TNFRSF8: variants seen among roughly 807,000 people sequenced by gnomAD.
The protein encoded by TNFRSF8 is tumor necrosis factor receptor superfamily member 8.
In TNFRSF8, 26 loss-of-function variants were observed where a neutral mutation model predicts 70.8. The ratio of observed to expected loss-of-function variants is 0.37; its 90% CI spans 0.27 to 0.51. The LOEUF is 0.51. Ranked by LOEUF, TNFRSF8 falls within the 20% of genes least tolerant of loss-of-function variation. The probability of loss-of-function intolerance (pLI) is 0.94; values close to 1 mark genes in which losing one functional copy is unlikely to be tolerated. For synonymous variants in TNFRSF8, 356 were observed against 339.2 expected (o/e 1.05, Z -0.54); for missense variants, 720 against 807.9 (o/e 0.89, Z 1.32).
At chr1:12,133,319 T>C (rs1021046930) in intron 12 of TNFRSF8, among the ~76,000 whole-genome samples, 1 of 125,736 alleles carries the variant, frequency 8.0e-6, no homozygotes. Flanking sequence ...TTTGTTACTT[T>C]GTCACACTTT....
rs559317788 is a variant in TNFRSF8 at position 12,118,171 on chromosome 1, T to A, written c.946+2442T>A. Among the ~76,000 whole-genome samples, 3 of 137,488 alleles carry A rather than the reference T, an allele frequency of 2.2e-5. No homozygotes were observed. In the East Asian group the frequency reaches 7.9e-4, roughly 36 times the overall value. 90.2% of individuals were successfully genotyped at this position (137,488 alleles called of 152,430 possible). On this transcript the variant is annotated intron_variant, in intron 8 of 14. Transcript: ENST00000263932. ...TGTTGCCCAGGCTGGAGTGCAGTGG[T>A]ATGGTCTCGGCTCACGGCAACCTCT...
Position 12,110,207 on chromosome 1 carries a change from A to G in TNFRSF8, c.676+3A>G. On this transcript the variant is annotated splice_donor_region_variant and intron_variant, in intron 6 of 14. Coordinates refer to ENST00000263932, the MANE Select transcript of TNFRSF8 (RefSeq NM_001243.5). The surrounding 1 kb of genome is among the most constrained non-coding windows in gnomAD (Gnocchi z 4.0). ...GGGAAGGCCTAGTTCAGATCCAGGT[A>G]ATTTCCCCATGAAGCTGTGGGTCGT... is the stretch of plus-strand genomic sequence containing the variant. 1.3e-6 allele frequency: 2 copies of G among 1,576,282 alleles called. No homozygotes were observed. Among genetic ancestry groups the G allele is most frequent in the Non-Finnish European group, 1.7e-6 (2 of 1,158,812 alleles).
At chr1:12,075,625 G>A (rs1049412622) in intron 1 of TNFRSF8, among the ~76,000 whole-genome samples, 1 of 152,132 alleles carries the variant, frequency 6.6e-6, no homozygotes, top group Non-Finnish European at 1.5e-5. Flanking sequence ...CTACCACCCT[G>A]ATTCCCCTTT....
chr1:12,142,190 G>T lies in TNFRSF8; in HGVS notation c.1544-97G>T, dbSNP rs770891757. ...CCATCAGCCTGAAGCCACCCGGCAG[G>T]TGTACCAGCACTGGGCCTCGGCCCT... On this transcript the variant is annotated intron_variant, in intron 14 of 14. Transcript: ENST00000263932. The surrounding 1 kb of genome is among the most constrained non-coding windows in gnomAD (Gnocchi z 5.0). The T allele has an allele frequency of 1.7e-4, 254 of 1,453,256 alleles. No individual in the cohort carries two copies. Among genetic ancestry groups the T allele is most frequent in the Non-Finnish European group, 2.1e-4 (226 of 1,095,846 alleles). 90.0% of individuals were successfully genotyped at this position (1,453,256 alleles called of 1,614,324 possible).
chr1:12,131,198 C>T (rs1336755874), intron 12 of TNFRSF8, among the ~76,000 whole-genome samples: 1 of 152,026 alleles, frequency 6.6e-6, no homozygotes, highest in Non-Finnish European at 1.5e-5. Context: ...ACCTGTAATC[C>T]CAGCACTTTG....
intron 1 of TNFRSF8, among the ~76,000 whole-genome samples, chr1:12,083,513 ACTCT>A (rs1383646950): frequency 2.0e-5 from 3 of 151,990 alleles, no homozygotes; most frequent in Non-Finnish European, 4.4e-5. Context: ...ACATGGTGAA[ACTCT>A]CTCTGCTAAA....
At chr1:12,093,919 CAATT>C (rs1453332630) in intron 2 of TNFRSF8, among the ~76,000 whole-genome samples, 3 of 151,854 alleles carry the variant, frequency 2.0e-5, no homozygotes, top group African/African-American at 2.4e-5. Flanking sequence ...AAAATACAAA[CAATT>C]AACCGGTCAT....
At chr1:12,079,096 C>T (rs1641018155) in intron 1 of TNFRSF8, among the ~76,000 whole-genome samples, 1 of 152,184 alleles carries the variant, frequency 6.6e-6, no homozygotes, top group Admixed American at 6.5e-5. Flanking sequence ...TGCATTTGAT[C>T]TAACTCCCCG....
chr1:12,090,825 G>A (rs959483420), intron 2 of TNFRSF8, among the ~76,000 whole-genome samples: 2 of 152,172 alleles, frequency 1.3e-5, no homozygotes, highest in Non-Finnish European at 2.9e-5. Flanking sequence ...GAAGTAGACT[G>A]TTATGGGCTG....
intron 1 of TNFRSF8, among the ~76,000 whole-genome samples, chr1:12,068,524 T>TGGGGTG (rs1234421271): frequency 1.3e-5 from 2 of 151,974 alleles, no homozygotes; most frequent in Non-Finnish European, 1.5e-5. Flanking sequence ...CAGGGGATAC[T>TGGGGTG]GGGGTGGGGG....
At chr1:12,103,514 G>A (rs1026824223) in intron 3 of TNFRSF8, among the ~76,000 whole-genome samples, 22 of 152,020 alleles carry the variant, frequency 1.4e-4, no homozygotes, top group African/African-American at 5.1e-4. Context: ...CTTTTGCCCA[G>A]GCTGGAGTGC....
intron 1 of TNFRSF8, among the ~76,000 whole-genome samples, chr1:12,066,625 T>C (rs939586809): frequency 2.6e-5 from 4 of 151,824 alleles, no homozygotes; most frequent in Admixed American, 2.6e-4. Flanking sequence ...AGTGCTGGGA[T>C]TACAGGCGTG....
intron 13 of TNFRSF8, among the ~76,000 whole-genome samples, chr1:12,136,371 G>A (rs1199025052): frequency 6.6e-6 from 1 of 152,058 alleles, no homozygotes; most frequent in Non-Finnish European, 1.5e-5. Flanking sequence ...TCTTTTGGCC[G>A]GATATGATGG....
chr1:12,085,958 G>A (rs1641146307), intron 2 of TNFRSF8, among the ~76,000 whole-genome samples: 1 of 152,224 alleles, frequency 6.6e-6, no homozygotes, highest in Non-Finnish European at 1.5e-5. Flanking sequence ...CAGCAAGGGT[G>A]GGAGGGAGTC....
intron 3 of TNFRSF8, among the ~76,000 whole-genome samples, chr1:12,100,018 A>G (rs945778214): frequency 3.9e-5 from 6 of 151,994 alleles, no homozygotes; most frequent in African/African-American, 1.2e-4. Context: ...AAAATACAAA[A>G]ATTAGCTGGG....
At position 12,119,781 on chromosome 1, in the gene TNFRSF8, T is replaced by A. The variant is rs1641796315; in HGVS notation, c.947-3503T>A. On this transcript the variant is annotated intron_variant, in intron 8 of 14. Transcript: ENST00000263932. This position sits in a 1 kb window ranked among gnomAD's most constrained non-coding sequence, Gnocchi z 4.4. ...CATGACTGGCCGATTCTTGTACAAG[T>A]CTTTGGGTGGATGTATATTTTCATT... is the stretch of plus-strand genomic sequence containing the variant. Among the ~76,000 whole-genome samples, 1 of 151,992 alleles carries A rather than the reference T, an allele frequency of 6.6e-6. No individual in the cohort carries two copies. Among genetic ancestry groups the A allele is most frequent in the Admixed American group, 6.5e-5 (1 of 15,272 alleles).
rs3766734 is a variant in TNFRSF8 at position 12,134,732 on chromosome 1, G to T, written c.1310-856G>T. Among the ~76,000 whole-genome samples the T allele has an allele frequency of 3.9e-5, 6 of 152,262 alleles. No homozygotes were observed. In the South Asian group the frequency reaches 1.0e-3, roughly 26 times the overall value. On this transcript the variant is annotated intron_variant, in intron 12 of 14. Coordinates refer to ENST00000263932, the MANE Select transcript of TNFRSF8 (RefSeq NM_001243.5). ...AAGGGCTCCACAGCAGACTGGCTTC[G>T]GGCGTGTCCCAGGCAGGGTCCAGGT...
Position 12,112,356 on chromosome 1 carries a change from G to A in TNFRSF8, c.793+342G>A, listed in dbSNP as rs1056865660. ...AGGTGCCACCAGGTTCCAGGTTCTC[G>A]TCCACTCCACTCGCTGCCCCTATGA... On this transcript the variant is annotated intron_variant, in intron 7 of 14. Coordinates refer to ENST00000263932, the MANE Select transcript of TNFRSF8 (RefSeq NM_001243.5). This position sits in a 1 kb window ranked among gnomAD's most constrained non-coding sequence, Gnocchi z 5.3. Among the ~76,000 whole-genome samples, 5 of 151,650 alleles carry A rather than the reference G, an allele frequency of 3.3e-5. No homozygotes were observed. Among genetic ancestry groups the A allele is most frequent in the African/African-American group, 9.7e-5 (4 of 41,262 alleles).
At chr1:12,070,319 C>T (rs1569976651) in intron 1 of TNFRSF8, among the ~76,000 whole-genome samples, 1 of 151,300 alleles carries the variant, frequency 6.6e-6, no homozygotes, top group Non-Finnish European at 1.5e-5. Flanking sequence ...GGTGTGATCT[C>T]GGCTCACTGC....
Sources: allele counts gnomAD v4.1 joint callset (sites outside exome capture counted in the v4.1 genomes callset), GRCh38; gene constraint gnomAD v4.1.1; non-coding constraint Gnocchi (gnomAD v3.1); transcripts MANE v1.5; gene names NCBI Gene and HGNC (gene_info 2026-07-23, HGNC 2026-07-21).